The following PECAM1 variants were observed in gnomAD, a reference collection of about 807,000 sequenced individuals.
PECAM1 encodes platelet and endothelial cell adhesion molecule 1, also known as platelet endothelial cell adhesion molecule.
In PECAM1, 8 loss-of-function variants were observed where a neutral mutation model predicts 13.8. The ratio of observed to expected loss-of-function variants is 0.58; its 90% CI spans 0.34 to 1.05. The LOEUF (loss-of-function observed/expected upper bound fraction) is 1.05, where lower values mean the gene tolerates loss of function less well. PECAM1 is among the 50% of genes least tolerant of loss of function. PECAM1 has a pLI of 0.03. For synonymous variants in PECAM1, 136 were observed against 52.6 expected (o/e 2.58, Z -6.86); for missense variants, 304 against 141.2 (o/e 2.15, Z -5.84).
chr17:64,328,341 C>A (rs1047129603), intron 15 of PECAM1, among the ~76,000 whole-genome samples: 46 of 152,232 alleles, frequency 3.0e-4, no homozygotes, highest in Admixed American at 9.2e-4. Flanking sequence ...GCTGGGACAG[C>A]AACTTCACAT....
intron 15 of PECAM1, among the ~76,000 whole-genome samples, chr17:64,328,270 C>T (rs12941029): frequency 0.071 from 10,760 of 152,328 alleles, 481 homozygotes; most frequent in Non-Finnish European, 0.11. Flanking sequence ...GAGAACACAT[C>T]TGTGTCCCGC....
chr17:64,373,816 T>C (rs2036296118), intron 4 of PECAM1, among the ~76,000 whole-genome samples: 1 of 152,130 alleles, frequency 6.6e-6, no homozygotes, highest in African/African-American at 2.4e-5. Flanking sequence ...GTAAGTTTCC[T>C]ATTTTGGAAA....
chr17:64,338,239 A>T (rs1190032717), intron 14 of PECAM1, among the ~76,000 whole-genome samples: 1 of 108,814 alleles, frequency 9.2e-6, no homozygotes, highest in Non-Finnish European at 1.9e-5. Flanking sequence ...ATTTTTTAAA[A>T]TTTTTTTTTT....
chr17:64,379,965 A>C lies in PECAM1; in HGVS notation c.92-1848T>G, dbSNP rs965823247. 3.3e-5 allele frequency among the ~76,000 whole-genome samples: 5 copies of C among 151,756 alleles called. No homozygotes were observed. In the South Asian group the frequency reaches 8.4e-4, roughly 25 times the overall value. On this transcript the variant is annotated intron_variant, in intron 2 of 15. Coordinates refer to ENST00000563924, the MANE Select transcript of PECAM1 (RefSeq NM_000442.5). The stretch of plus-strand genomic sequence containing the variant: ...ACCTGAGCCTGGGAGGTCGAGGCTG[A>C]AGTGAGCCATGATCATGCCAGTGCA...
intron 4 of PECAM1, 96 bp downstream of exon 4, chr17:64,374,955 C>T (rs1357747044): frequency 1.2e-5 from 5 of 420,974 alleles, no homozygotes; most frequent in African/African-American, 1.0e-4. Flanking sequence ...GGTCTTAAGT[C>T]CTGAGAACAG....
chr17:64,384,711 A>T (rs2036556002), intron 2 of PECAM1, among the ~76,000 whole-genome samples: 2 of 152,184 alleles, frequency 1.3e-5, no homozygotes, highest in Non-Finnish European at 1.5e-5. Context: ...CTGCAATCTA[A>T]TGAGACCCGG....
At chr17:64,367,249 C>G (rs978174202) in intron 5 of PECAM1, among the ~76,000 whole-genome samples, 1 of 152,082 alleles carries the variant, frequency 6.6e-6, no homozygotes, top group East Asian at 1.9e-4. Flanking sequence ...GTCACAGACC[C>G]CATAGGAAAA....
At chr17:64,359,200 T>C (rs1053478132) in intron 7 of PECAM1, among the ~76,000 whole-genome samples, 15 of 152,154 alleles carry the variant, frequency 9.9e-5, no homozygotes, top group African/African-American at 2.9e-4. Context: ...CCCATGTAGA[T>C]AGGCAGTTAC....
chr17:64,344,880 G>A (rs1013620306), intron 13 of PECAM1, among the ~76,000 whole-genome samples: 2 of 152,112 alleles, frequency 1.3e-5, no homozygotes, highest in Non-Finnish European at 2.9e-5. Flanking sequence ...GACCTCTGCA[G>A]CCCACACAGC....
At chr17:64,353,929 C>CCTCT (rs1241987015) in intron 9 of PECAM1, among the ~76,000 whole-genome samples, 2 of 138,798 alleles carry the variant, frequency 1.4e-5, no homozygotes, top group African/African-American at 5.0e-5. Context: ...CAGCTCTCTT[C>CCTCT]CTCTCTCTCT....
At chr17:64,356,807 C>A (rs1340893939) in intron 7 of PECAM1, among the ~76,000 whole-genome samples, 1 of 152,114 alleles carries the variant, frequency 6.6e-6, no homozygotes. Context: ...CAATCTTGAC[C>A]CACTGCCTTC....
In PECAM1 at chr17:64,354,993, C is replaced by T; in HGVS notation, c.1828G>A (p.Gly610Arg). The change falls in exon 9 of 16, where the codon GGA becomes AGA. Residue 610 changes from glycine to arginine, a missense_variant. Transcript: ENST00000563924. ...ATGATCAAGAGAGCAATGATCACTC[C>T]GATGATAACCACTGCAATAAGTCCT... ...KKGLIAVVII[G>R]VIIALLIIAA... is the part of the protein sequence containing the mutation. The T allele has an allele frequency of 2.1e-6, 1 of 475,296 alleles. No homozygotes were observed. Among genetic ancestry groups the T allele is most frequent in the Non-Finnish European group, 3.9e-6 (1 of 259,036 alleles). 29.4% of individuals were successfully genotyped at this position (475,296 alleles called of 1,614,324 possible). A position where few individuals can be genotyped will look rare whatever the true frequency, so the allele number is the denominator to read the frequency against.
intron 5 of PECAM1, among the ~76,000 whole-genome samples, chr17:64,365,019 A>C (rs1468284682): frequency 2.6e-5 from 4 of 152,032 alleles, no homozygotes; most frequent in South Asian, 2.1e-4. Flanking sequence ...TTAGGAAAAG[A>C]GGAAGTCAAA....
chr17:64,385,387 G>A (rs2036571145), intron 2 of PECAM1, among the ~76,000 whole-genome samples: 1 of 152,152 alleles, frequency 6.6e-6, no homozygotes. Flanking sequence ...CCCTCAACCT[G>A]GAAATGACTC....
At position 64,322,872 on chromosome 17, in the gene PECAM1, C is replaced by T. The variant is rs552923941; in HGVS notation, c.*944G>A. 1.7e-4 allele frequency: 56 copies of T among 322,024 alleles called. No individual in the cohort carries two copies. Among genetic ancestry groups the T allele is most frequent in the South Asian group, 1.2e-3 (10 of 8,088 alleles). 19.9% of individuals were successfully genotyped at this position (322,024 alleles called of 1,614,324 possible). ...CTGATACTACAGGCATGCGCCACCA[C>T]GCCCGGCTAATTCTTGTATTTTTAG... On this transcript the variant is annotated 3_prime_UTR_variant, in exon 16 of 16. Coordinates refer to ENST00000563924, the MANE Select transcript of PECAM1 (RefSeq NM_000442.5).
chr17:64,363,758 C>A (rs2036039835), intron 5 of PECAM1, among the ~76,000 whole-genome samples: 3 of 152,056 alleles, frequency 2.0e-5, no homozygotes, highest in African/African-American at 7.2e-5. Flanking sequence ...CCAGCCTGGG[C>A]AACATGGTGA....
intron 8 of PECAM1, 102 bp downstream of exon 8, chr17:64,356,009 C>A: frequency 2.1e-6 from 1 of 467,688 alleles, no homozygotes; most frequent in South Asian, 7.2e-5. Flanking sequence ...CCTTCAGTCA[C>A]ATAAGCTAGA....
chr17:64,388,322 G>A (rs2036643037), intron 2 of PECAM1, among the ~76,000 whole-genome samples: 1 of 152,108 alleles, frequency 6.6e-6, no homozygotes, highest in East Asian at 1.9e-4. Context: ...ACGAGGGCTG[G>A]AGTGGACAAA....
intron 6 of PECAM1, among the ~76,000 whole-genome samples, chr17:64,362,493 CA>C (rs1332782151): frequency 1.3e-5 from 2 of 151,822 alleles, no homozygotes; most frequent in African/African-American, 4.8e-5. Context: ...ACTAAAAATA[CA>C]AAAAAATATT....
Sources: gnomAD v4.1 joint callset for allele counts (sites outside exome capture counted in the v4.1 genomes callset) on GRCh38, gnomAD v4.1.1 for gene constraint, MANE v1.5 for transcripts, NCBI Gene and HGNC (gene_info 2026-07-23, HGNC 2026-07-21) for gene names.